Variants in SLC9A3 observed in about 807,000 individuals in gnomAD.
SLC9A3 encodes solute carrier family 9 member A3, also known as sodium/hydrogen exchanger 3.
In SLC9A3, 37 loss-of-function variants were observed where a neutral mutation model predicts 86.8. The ratio of observed to expected loss-of-function variants is 0.43; its 90% confidence interval spans 0.33 to 0.56. SLC9A3 has a LOEUF of 0.56. Ranked by LOEUF, SLC9A3 falls within the 20% of genes least tolerant of loss-of-function variation. The probability of loss-of-function intolerance (pLI) is 0.06; values close to 1 mark genes in which losing one functional copy is unlikely to be tolerated. For synonymous variants in SLC9A3, 581 were observed against 528.3 expected, an observed-to-expected ratio of 1.10 and a Z score of -1.37; for missense variants, 1,011 against 1,171.9, an observed-to-expected ratio of 0.86 and a Z score of 2.00.
chr5:506,450 G>T (rs1740586431), intron 1 of SLC9A3, among the ~76,000 whole-genome samples: 1 of 152,160 alleles, frequency 6.6e-6, no homozygotes, highest in African/African-American at 2.4e-5. Context: ...GAGGGCCCGG[G>T]GTCCTCCCGA....
At chr5:477,143 G>T in intron 11 of SLC9A3, 189 bp downstream of exon 11, 1 of 558,368 alleles carries the variant, frequency 1.8e-6, no homozygotes, top group South Asian at 2.5e-5. Context: ...CTTCCATCCA[G>T]CACTAAGGGA....
rs1437467096 is a variant in SLC9A3 at position 508,934 on chromosome 5, C to A, written c.211+15178G>T. 2.6e-5 allele frequency among the ~76,000 whole-genome samples: 4 copies of A among 151,412 alleles called. No homozygotes were observed. In the East Asian group the frequency reaches 7.8e-4, roughly 30 times the overall value. ...GACCAGCCTGGGCATCATAGTGAGACCCCGTCTCTACAAAATACAAAAACT... is the reference window on the plus strand; with the variant it reads ...GACCAGCCTGGGCATCATAGTGAGAACCCGTCTCTACAAAATACAAAAACT... On this transcript the variant is annotated intron_variant, in intron 1 of 16. Coordinates refer to ENST00000264938, the MANE Select transcript of SLC9A3 (RefSeq NM_004174.4).
chr5:523,051 G>A (rs1199717396), intron 1 of SLC9A3, among the ~76,000 whole-genome samples: 1 of 152,218 alleles, frequency 6.6e-6, no homozygotes, highest in African/African-American at 2.4e-5. Flanking sequence ...AGGCTGCGGA[G>A]AAGGGAGGAG....
At chr5:475,491 G>A (rs1390330382) in intron 15 of SLC9A3, 70 bp downstream of exon 15, 5 of 914,384 alleles carry the variant, frequency 5.5e-6, no homozygotes, top group Non-Finnish European at 8.7e-6. Flanking sequence ...CTGGTCCAAT[G>A]ACCGAGCTCC....
chr5:489,586 G>T (rs1034147645), intron 2 of SLC9A3, among the ~76,000 whole-genome samples: 2 of 152,212 alleles, frequency 1.3e-5, no homozygotes, highest in African/African-American at 4.8e-5. Flanking sequence ...CCTCTGGCCA[G>T]TGTCACAACA....
At position 475,638 on chromosome 5, in the gene SLC9A3, T is replaced by C. The variant is rs993198254; in HGVS notation, c.2174A>G (p.Asn725Ser). 3.9e-6 allele frequency: 6 copies of C among 1,551,624 alleles called. No homozygotes were observed. The African/African-American group carries it at 4.1e-5, about 11-fold the overall frequency. ...CCCCCCACTCATCTCCTCATCATAG[T>C]TGGGGGGCTCCTCGGTGTCTGAAAG... ...LELSDTEEPPNYDEEMSGGIE... is the reference protein window; with the variant it reads ...LELSDTEEPPSYDEEMSGGIE... The change falls in exon 15 of 17, where the codon AAC becomes AGC. Residue 725 changes from asparagine to serine, a missense_variant. By Grantham distance (46) the Asn-to-Ser change is conservative (BLOSUM62 1). Coordinates refer to ENST00000264938, the MANE Select transcript of SLC9A3 (RefSeq NM_004174.4).
At chr5:475,925 G>A (rs1738697563) in intron 14 of SLC9A3, 95 bp downstream of exon 14, 2 of 1,117,066 alleles carry the variant, frequency 1.8e-6, no homozygotes, top group South Asian at 3.1e-5. Context: ...CCCCAGAGGG[G>A]AAGGTCCTGA....
rs1446051940 is a variant in SLC9A3 at position 473,033 on chromosome 5, C to T, written c.*346G>A. 2.7e-5 allele frequency: 11 copies of T among 406,490 alleles called. No homozygotes were observed. The highest frequency in any genetic ancestry group is 1.1e-4 in the African/African-American group (5 of 47,276). The allele number at this position is 406,490 out of a possible 1,614,324, so 25.2% of individuals were successfully genotyped here. Reference sequence around the variant, plus strand: ...GGCACGAGGGCGGCAGCGACGCCAGCTTCAGCAGCGCGGGGCGGCGGCGCG... The same window carrying T: ...GGCACGAGGGCGGCAGCGACGCCAGTTTCAGCAGCGCGGGGCGGCGGCGCG... On this transcript the variant is annotated 3_prime_UTR_variant, in exon 17 of 17. Coordinates refer to ENST00000264938, the MANE Select transcript of SLC9A3 (RefSeq NM_004174.4).
intron 1 of SLC9A3, among the ~76,000 whole-genome samples, chr5:513,940 CTGGAGCTT>C (rs1733650151): frequency 6.6e-6 from 1 of 152,254 alleles, no homozygotes; most frequent in Non-Finnish European, 1.5e-5. Context: ...CGCACAGCCA[CTGGAGCTT>C]CTCCTGGGAG....
At chr5:499,378 CG>C (rs1396103030) in intron 1 of SLC9A3, among the ~76,000 whole-genome samples, 6 of 152,370 alleles carry the variant, frequency 3.9e-5, no homozygotes. Context: ...GGGCCTGACC[CG>C]GGCAGTGCTG....
At chr5:480,429 G>T in intron 9 of SLC9A3, 1 of 157,658 alleles carries the variant, frequency 6.3e-6, no homozygotes, top group Non-Finnish European at 1.4e-5. Context: ...CGGACTTAGA[G>T]GAAACTCTGG....
At position 471,434 on chromosome 5, in the gene SLC9A3, C is replaced by T. The variant is rs547386055; in HGVS notation, c.*1945G>A. The T allele has an allele frequency of 6.2e-6, 2 of 324,468 alleles. No homozygotes were observed. Among genetic ancestry groups the T allele is most frequent in the Admixed American group, 8.9e-5 (2 of 22,374 alleles). 20.1% of individuals were successfully genotyped at this position (324,468 alleles called of 1,614,324 possible). A position where few individuals can be genotyped will look rare whatever the true frequency, so the allele number is the denominator to read the frequency against. On this transcript the variant is annotated 3_prime_UTR_variant, in exon 17 of 17. Coordinates refer to ENST00000264938, the MANE Select transcript of SLC9A3 (RefSeq NM_004174.4). The stretch of plus-strand genomic sequence containing the variant: ...CTGTTCTCCCAGGCACAGACAGGCA[C>T]TTGGAAGGCAGCTTTGCTCCTCTGG...
At chr5:513,573 CA>C (rs138373079) in intron 1 of SLC9A3, among the ~76,000 whole-genome samples, 2,289 of 152,236 alleles carry the variant, frequency 0.015, 53 homozygotes, top group African/African-American at 0.052. Context: ...GCCCCATGGA[CA>C]GTTGGGTGGG....
Position 496,427 on chromosome 5 carries a change from G to C in SLC9A3, c.212-4356C>G, listed in dbSNP as rs776886889. ...GACGACCTGTGGGTGACGCGTGAAC[G>C]ACCCCGTTCTGTGAAAGTGTCGGCT... On this transcript the variant is annotated intron_variant, in intron 1 of 16. Coordinates refer to ENST00000264938, the MANE Select transcript of SLC9A3 (RefSeq NM_004174.4). The surrounding 1 kb of genome is among the most constrained non-coding windows in gnomAD (Gnocchi z 4.7). Among the ~76,000 whole-genome samples the C allele has an allele frequency of 6.6e-6, 1 of 152,236 alleles. No individual in the cohort carries two copies. Among genetic ancestry groups the C allele is most frequent in the Non-Finnish European group, 1.5e-5 (1 of 68,046 alleles).
At chr5:513,067 C>T (rs1471207658) in intron 1 of SLC9A3, among the ~76,000 whole-genome samples, 2 of 152,090 alleles carry the variant, frequency 1.3e-5, no homozygotes, top group Non-Finnish European at 1.5e-5. Flanking sequence ...CCTCCTGCAG[C>T]GATACTGAGA....
intron 1 of SLC9A3, among the ~76,000 whole-genome samples, chr5:513,686 G>A (rs991819163): frequency 1.3e-5 from 2 of 152,162 alleles, no homozygotes; most frequent in Non-Finnish European, 2.9e-5. Flanking sequence ...TGCTCCTCAG[G>A]GGCCCAGGGA....
chr5:514,272 A>T (rs1242586286), intron 1 of SLC9A3, among the ~76,000 whole-genome samples: 1 of 151,672 alleles, frequency 6.6e-6, no homozygotes, highest in Non-Finnish European at 1.5e-5. Context: ...CGCTTCACAC[A>T]CTCCCTCTTC....
chr5:504,289 C>T (rs11134081), intron 1 of SLC9A3, among the ~76,000 whole-genome samples: 55,860 of 151,858 alleles, frequency 0.37, 10,679 homozygotes, highest in African/African-American at 0.43. Context: ...TTGCAGCCCC[C>T]GCGTCCCGTG....
At chr5:475,170 G>A (rs780175065) in intron 15 of SLC9A3, 38 bp from the exon 16 acceptor site, 1 of 1,530,434 alleles carries the variant, frequency 6.5e-7, no homozygotes, top group Non-Finnish European at 8.8e-7. Flanking sequence ...CCTTCGGAGA[G>A]CCCCACGGCG....
Sources: gnomAD v4.1 joint callset for allele counts (sites outside exome capture counted in the v4.1 genomes callset) on GRCh38, gnomAD v4.1.1 for gene constraint, Gnocchi (gnomAD v3.1) non-coding constraint, MANE v1.5 for transcripts, NCBI Gene and HGNC (gene_info 2026-07-23, HGNC 2026-07-21) for gene names.